Variants in MICU1 observed in about 807,000 individuals in gnomAD.
The protein encoded by MICU1 is calcium uptake protein 1, mitochondrial.
MICU1 carries 45 observed loss-of-function variants against 56.8 expected under a neutral mutation model. The observed-to-expected ratio is 0.79, with a 90% CI of 0.62 to 1.02. The LOEUF (loss-of-function observed/expected upper bound fraction) is 1.02, where lower values mean the gene tolerates loss of function less well. Among genes scored for constraint, MICU1 ranks in the 50% least tolerant of loss-of-function variants. The pLI is 0.00. For missense variants in MICU1, 504 were observed against 587.1 expected (o/e 0.86, Z 1.46); for synonymous variants, 186 against 195.1 (o/e 0.95, Z 0.39).
intron 4 of MICU1, among the ~76,000 whole-genome samples, chr10:72,539,675 G>T (rs1839720419): frequency 6.6e-6 from 1 of 152,116 alleles, no homozygotes; most frequent in East Asian, 1.9e-4. Context: ...GCATCTTAGG[G>T]AACTAGAAAA....
intron 10 of MICU1, among the ~76,000 whole-genome samples, chr10:72,378,126 A>T (rs1240198410): frequency 6.6e-6 from 1 of 152,090 alleles, no homozygotes; most frequent in Admixed American, 6.5e-5. Flanking sequence ...GGTGGTGCGC[A>T]CCTATAGTCC....
intron 8 of MICU1, among the ~76,000 whole-genome samples, chr10:72,440,755 T>A (rs1864894565): frequency 6.6e-6 from 1 of 152,142 alleles, no homozygotes; most frequent in African/African-American, 2.4e-5. Context: ...GAACAGACAC[T>A]TCTCAAAAGA....
intron 10 of MICU1, among the ~76,000 whole-genome samples, chr10:72,384,517 C>G (rs1862825419): frequency 6.6e-6 from 1 of 152,116 alleles, no homozygotes; most frequent in South Asian, 2.1e-4. Flanking sequence ...ATCCTACCCC[C>G]ATCTCTTCTC....
At chr10:72,441,162 A>T (rs1444432814) in intron 8 of MICU1, among the ~76,000 whole-genome samples, 2 of 152,178 alleles carry the variant, frequency 1.3e-5, no homozygotes. Context: ...AATGTCCATC[A>T]ATGATAGACT....
At chr10:72,456,747 G>T (rs1205727437) in intron 8 of MICU1, among the ~76,000 whole-genome samples, 1 of 151,946 alleles carries the variant, frequency 6.6e-6, no homozygotes. Context: ...GGTATGCAGT[G>T]GCACAATCCC....
chr10:72,543,876 A>C lies in MICU1; in HGVS notation c.493+7303T>G, dbSNP rs77091993. 3.3e-5 allele frequency among the ~76,000 whole-genome samples: 5 copies of C among 152,200 alleles called. No individual in the cohort carries two copies. The East Asian group carries it at 9.7e-4, about 29-fold the overall frequency. On this transcript the variant is annotated intron_variant, in intron 4 of 11. Coordinates refer to ENST00000361114, the MANE Select transcript of MICU1 (RefSeq NM_001195518.2). ...AAAAAAAAAAAGGATACTTAGGGTA[A>C]GGGAGGAGACCACTCTTCATATTGT...
intron 5 of MICU1, among the ~76,000 whole-genome samples, chr10:72,515,253 C>T (rs754919660): frequency 1.3e-5 from 2 of 152,136 alleles, no homozygotes; most frequent in South Asian, 4.1e-4. Flanking sequence ...TCTTTTAAAG[C>T]GTTCTCCTGG....
At chr10:72,551,086 G>A in intron 4 of MICU1, 93 bp downstream of exon 4, 1 of 1,206,632 alleles carries the variant, frequency 8.3e-7, no homozygotes, top group Non-Finnish European at 1.1e-6. Context: ...ATCATTACAA[G>A]GACCTGTAAG....
At chr10:72,565,888 A>G (rs1840420657) in intron 2 of MICU1, among the ~76,000 whole-genome samples, 1 of 152,166 alleles carries the variant, frequency 6.6e-6, no homozygotes, top group Non-Finnish European at 1.5e-5. Flanking sequence ...ATTTTAAGAA[A>G]GAGAAGACTG....
At chr10:72,490,405 T>G (rs1866615451) in intron 6 of MICU1, among the ~76,000 whole-genome samples, 1 of 152,170 alleles carries the variant, frequency 6.6e-6, no homozygotes, top group African/African-American at 2.4e-5. Context: ...TGAGAAGAGA[T>G]AAATACAGAT....
At chr10:72,619,546 T>C (rs1184957262) in intron 1 of MICU1, among the ~76,000 whole-genome samples, 2 of 152,218 alleles carry the variant, frequency 1.3e-5, no homozygotes, top group South Asian at 2.1e-4. Context: ...GACTCTGTTA[T>C]GTACTCAGGA....
intron 6 of MICU1, among the ~76,000 whole-genome samples, chr10:72,481,430 G>A (rs1447992648): frequency 2.0e-5 from 3 of 151,694 alleles, no homozygotes; most frequent in Non-Finnish European, 4.4e-5. Flanking sequence ...TTGTTTTTTT[G>A]AGACTGAATC....
At position 72,462,597 on chromosome 10, in the gene MICU1, C is replaced by G. The variant is rs779386183; in HGVS notation, c.933+12503G>C. On this transcript the variant is annotated intron_variant, in intron 8 of 11. Coordinates refer to ENST00000361114, the MANE Select transcript of MICU1 (RefSeq NM_001195518.2). ...GCTAGAAGTGTATATATAGATGAAA[C>G]ACTGAACTATAAATTCATAATCACC... Among the ~76,000 whole-genome samples the G allele has an allele frequency of 6.8e-4, 104 of 152,154 alleles. 1 individual carries two copies. The highest frequency in any genetic ancestry group is 1.4e-3 in the Admixed American group (22 of 15,272).
Position 72,378,205 on chromosome 10 carries a change from A to C in MICU1, c.1181-2333T>G, listed in dbSNP as rs1427448799. 2.0e-5 allele frequency among the ~76,000 whole-genome samples: 3 copies of C among 152,166 alleles called. No individual in the cohort carries two copies. In the East Asian group the frequency reaches 5.8e-4, roughly 29 times the overall value. On this transcript the variant is annotated intron_variant, in intron 10 of 11. Transcript: ENST00000361114. ...GAGGCGGAGGTTGCAGTGAGCCAAGACTGTGCCACTGCACTCCAGCCTCGG... is the reference window on the plus strand; with the variant it reads ...GAGGCGGAGGTTGCAGTGAGCCAAGCCTGTGCCACTGCACTCCAGCCTCGG...
At chr10:72,482,131 T>C (rs184254660) in intron 6 of MICU1, among the ~76,000 whole-genome samples, 26 of 152,336 alleles carry the variant, frequency 1.7e-4, no homozygotes, top group Admixed American at 5.9e-4. Flanking sequence ...CTTTCACTGG[T>C]TGATTTCATG....
chr10:72,406,783 C>A lies in MICU1; in HGVS notation c.1180+1146G>T, dbSNP rs145989226. 5.4e-4 allele frequency among the ~76,000 whole-genome samples: 82 copies of A among 152,042 alleles called. 1 individual carries two copies. In the South Asian group the frequency reaches 0.016, roughly 30 times the overall value. On this transcript the variant is annotated intron_variant, in intron 10 of 11. Coordinates refer to ENST00000361114, the MANE Select transcript of MICU1 (RefSeq NM_001195518.2). ...CTGGGACTACAGGCATACACCACCA[C>A]GCCTGGCTAATTTTTGCAATTTTAG...
At chr10:72,379,511 C>A in intron 10 of MICU1, 2 of 373,648 alleles carry the variant, frequency 5.4e-6, no homozygotes, top group South Asian at 1.9e-5. Flanking sequence ...TCCATTCTCT[C>A]AGGGCACAGC....
chr10:72,590,735 C>T (rs1457080083), intron 1 of MICU1, among the ~76,000 whole-genome samples: 5 of 152,086 alleles, frequency 3.3e-5, no homozygotes, highest in South Asian at 2.1e-4. Context: ...ATTGCTTGAA[C>T]CCGGGAGGCG....
At chr10:72,419,997 G>T (rs1864102282) in intron 9 of MICU1, among the ~76,000 whole-genome samples, 1 of 152,134 alleles carries the variant, frequency 6.6e-6, no homozygotes, top group African/African-American at 2.4e-5. Context: ...AGATCTGATG[G>T]TTTTACAAAA....
Sources: gnomAD v4.1 joint callset for allele counts (sites outside exome capture counted in the v4.1 genomes callset) on GRCh38, gnomAD v4.1.1 for gene constraint, MANE v1.5 for transcripts, NCBI Gene and HGNC (gene_info 2026-07-23, HGNC 2026-07-21) for gene names.